SLC35F4: variants seen among roughly 807,000 people sequenced by gnomAD.
The protein encoded by SLC35F4 is solute carrier family 35 member F4, also known as chromosome 14 open reading frame 36.
A neutral mutation model predicts 44.2 loss-of-function variants in SLC35F4; 24 were observed. That is an observed-to-expected ratio of 0.54 (90% confidence interval 0.39 to 0.76). The LOEUF (loss-of-function observed/expected upper bound fraction) is 0.76, where lower values mean the gene tolerates loss of function less well. Among genes scored for constraint, SLC35F4 ranks in the 30% least tolerant of loss-of-function variants. SLC35F4 has a pLI of 0.00. For synonymous variants in SLC35F4, 238 were observed against 223.6 expected (o/e 1.06, Z -0.57); for missense variants, 562 against 586.1 (o/e 0.96, Z 0.42).
intron 1 of SLC35F4, among the ~76,000 whole-genome samples, chr14:57,931,236 G>A (rs1300302245): frequency 6.6e-6 from 1 of 152,136 alleles, no homozygotes; most frequent in Admixed American, 6.5e-5. Flanking sequence ...TTTCATGGAT[G>A]GCCACTTGAC....
downstream of SLC35F4, among the ~76,000 whole-genome samples, chr14:57,973,358 C>T (rs1160838569): frequency 6.6e-6 from 1 of 152,208 alleles, no homozygotes; most frequent in Non-Finnish European, 1.5e-5. Context: ...TAATCACTCA[C>T]TAGGTTTCCT....
chr14:57,600,409 G>A (rs1423358043), intron 1 of SLC35F4, among the ~76,000 whole-genome samples: 1 of 151,970 alleles, frequency 6.6e-6, no homozygotes, highest in Non-Finnish European at 1.5e-5. Context: ...TCAATAACTA[G>A]GGGCCGGGCG....
At chr14:57,768,440 T>C (rs1319279206) in intron 1 of SLC35F4, among the ~76,000 whole-genome samples, 6 of 152,192 alleles carry the variant, frequency 3.9e-5, no homozygotes, top group African/African-American at 1.4e-4. Context: ...GTCCTGTGAA[T>C]AACAAGGCCC....
At chr14:57,892,199 G>C (rs904426479) in intron 1 of SLC35F4, among the ~76,000 whole-genome samples, 1 of 152,186 alleles carries the variant, frequency 6.6e-6, no homozygotes, top group South Asian at 2.1e-4. Flanking sequence ...AATGGGATTA[G>C]GAAAATATGG....
chr14:57,729,032 T>G (rs2076283115), intron 1 of SLC35F4, among the ~76,000 whole-genome samples: 1 of 152,222 alleles, frequency 6.6e-6, no homozygotes, highest in African/African-American at 2.4e-5. Context: ...GCCAGACATT[T>G]TGGAACTCCA....
intron 1 of SLC35F4, among the ~76,000 whole-genome samples, chr14:57,953,840 A>C (rs895552585): frequency 1.3e-5 from 2 of 152,134 alleles, no homozygotes; most frequent in Non-Finnish European, 1.5e-5. Context: ...AGACTTTAAC[A>C]CCCCACTGTC....
chr14:57,842,828 AT>A (rs1188547995), intron 1 of SLC35F4, among the ~76,000 whole-genome samples: 1 of 152,176 alleles, frequency 6.6e-6, no homozygotes, highest in African/African-American at 2.4e-5. Context: ...GATGATTAAC[AT>A]TTGAGTCAGT....
At chr14:57,714,469 T>C (rs552787537) in intron 1 of SLC35F4, among the ~76,000 whole-genome samples, 3 of 152,298 alleles carry the variant, frequency 2.0e-5, no homozygotes, top group African/African-American at 7.2e-5. Context: ...AACCATTTTA[T>C]TTGTTGACTT....
At chr14:57,779,246 AAAG>A (rs2077562765) in intron 1 of SLC35F4, among the ~76,000 whole-genome samples, 1 of 152,076 alleles carries the variant, frequency 6.6e-6, no homozygotes, top group Admixed American at 6.6e-5. Context: ...CTAGCTAGAC[AAAG>A]AAGAAAAGAT....
At chr14:57,777,037 C>G (rs1191439445) in intron 1 of SLC35F4, among the ~76,000 whole-genome samples, 1 of 152,214 alleles carries the variant, frequency 6.6e-6, no homozygotes, top group Non-Finnish European at 1.5e-5. Flanking sequence ...ACCACACAAA[C>G]AAGTCAGCAT....
intron 1 of SLC35F4, among the ~76,000 whole-genome samples, chr14:57,727,806 G>T (rs528792742): frequency 6.6e-6 from 1 of 152,236 alleles, no homozygotes; most frequent in Admixed American, 6.5e-5. Context: ...CCTAACATGT[G>T]GTCTATCCTT....
intron 1 of SLC35F4, among the ~76,000 whole-genome samples, chr14:57,908,939 C>T (rs1958846345): frequency 6.6e-6 from 1 of 152,164 alleles, no homozygotes; most frequent in Non-Finnish European, 1.5e-5. Context: ...AGTCTTTAAT[C>T]CATCCTGAGT....
intron 1 of SLC35F4, among the ~76,000 whole-genome samples, chr14:57,619,878 G>A (rs571548633): frequency 1.3e-5 from 2 of 151,996 alleles, no homozygotes; most frequent in East Asian, 1.9e-4. Flanking sequence ...AACACAGCAC[G>A]AGAATTTCGT....
rs1278458981 is a variant in SLC35F4, at chr14:57,569,905, T to C, written c.1009A>G (p.Asn337Asp). 1 of 1,612,972 alleles carries C rather than the reference T, an allele frequency of 6.2e-7. No individual in the cohort carries two copies. Among genetic ancestry groups the C allele is most frequent in the Non-Finnish European group, 8.5e-7 (1 of 1,179,534 alleles). Residue 337 changes from asparagine to aspartate, a missense_variant, in exon 6 of 8, where the codon AAT becomes GAT. Coordinates refer to ENST00000556826, the MANE Select transcript of SLC35F4 (RefSeq NM_001306087.2). The stretch of plus-strand genomic sequence containing the variant: ...GGGGTGAAGGAGATGAAGATCAAAT[T>C]GAAGAAACCCAAGGTGGAGACAAAG... ...AHFVSTLGFF[N>D]LIFISFTPVI...
intron 1 of SLC35F4, among the ~76,000 whole-genome samples, chr14:57,758,245 C>T (rs1339714943): frequency 6.6e-6 from 1 of 151,978 alleles, no homozygotes; most frequent in Non-Finnish European, 1.5e-5. Context: ...TGTTTCTCAT[C>T]CTTGAGATTT....
At chr14:57,751,690 T>C (rs2076887150) in intron 1 of SLC35F4, among the ~76,000 whole-genome samples, 1 of 152,174 alleles carries the variant, frequency 6.6e-6, no homozygotes, top group African/African-American at 2.4e-5. Context: ...CAAGCTAAAC[T>C]ACATTACAAG....
chr14:57,893,119 C>T (rs1888804226), intron 1 of SLC35F4, among the ~76,000 whole-genome samples: 1 of 152,102 alleles, frequency 6.6e-6, no homozygotes, highest in Non-Finnish European at 1.5e-5. Flanking sequence ...CTTATGGAAA[C>T]TTTCTAGAAG....
intron 1 of SLC35F4, chr14:57,981,821 A>T (rs917460890): frequency 1.5e-5 from 2 of 136,752 alleles, no homozygotes; most frequent in Non-Finnish European, 1.7e-5. Flanking sequence ...TTTAAGAGAG[A>T]CAAACAATGT....
intron 1 of SLC35F4, among the ~76,000 whole-genome samples, chr14:57,910,961 G>A (rs80307842): frequency 0.073 from 11,058 of 151,910 alleles, 520 homozygotes; most frequent in Non-Finnish European, 0.11. Flanking sequence ...TCAGAGATTT[G>A]TGGTTGTCAT....
Sources: allele counts gnomAD v4.1 joint callset (sites outside exome capture counted in the v4.1 genomes callset), GRCh38; gene constraint gnomAD v4.1.1; transcripts MANE v1.5; gene names NCBI Gene and HGNC (gene_info 2026-07-23, HGNC 2026-07-21).